The following PKN2 variants were observed in gnomAD, a reference collection of about 807,000 sequenced individuals.
The protein encoded by PKN2 is serine/threonine-protein kinase N2.
Under a neutral mutation model 119.1 loss-of-function variants are expected in PKN2, and 38 were observed. The ratio of observed to expected loss-of-function variants is 0.32; its 90% CI spans 0.25 to 0.42. PKN2 has a LOEUF of 0.42. Ranked by LOEUF, PKN2 falls within the 10% of genes least tolerant of loss-of-function variation. PKN2 has a pLI of 1.00. For synonymous variants in PKN2, 390 were observed against 384.9 expected, an observed-to-expected ratio of 1.01 and a Z score of -0.15; for missense variants, 850 against 1,165.1, an observed-to-expected ratio of 0.73 and a Z score of 3.94.
intron 20 of PKN2, 31 bp from the exon 21 acceptor site, chr1:88,833,046 A>G: frequency 6.4e-7 from 1 of 1,551,664 alleles, no homozygotes; most frequent in Non-Finnish European, 8.7e-7. Context: ...TATTGGTTTT[A>G]TTTTAACTTT....
chr1:88,694,928 G>A (rs985264937), intron 1 of PKN2, among the ~76,000 whole-genome samples: 3 of 152,080 alleles, frequency 2.0e-5, no homozygotes, highest in African/African-American at 7.2e-5. Context: ...ATGAGGTCAG[G>A]AGATCGAGAG....
At chr1:88,695,221 C>G (rs989282594) in intron 1 of PKN2, among the ~76,000 whole-genome samples, 2 of 152,092 alleles carry the variant, frequency 1.3e-5, no homozygotes, top group Admixed American at 6.5e-5. Flanking sequence ...AACATCTACA[C>G]ATAGCTTTAT....
intron 18 of PKN2, 112 bp from the exon 19 acceptor site, chr1:88,828,369 A>G (rs1672593841): frequency 9.7e-6 from 8 of 822,586 alleles, no homozygotes. Flanking sequence ...GAATTTGTTC[A>G]CCATGCACAA....
At chr1:88,795,408 T>A (rs1486113698) in intron 8 of PKN2, among the ~76,000 whole-genome samples, 1 of 152,232 alleles carries the variant, frequency 6.6e-6, no homozygotes, top group Non-Finnish European at 1.5e-5. Flanking sequence ...ATTTTTATTT[T>A]GCTTCGTCCT....
intron 16 of PKN2, among the ~76,000 whole-genome samples, chr1:88,818,534 G>A (rs1255581858): frequency 2.0e-5 from 3 of 151,808 alleles, no homozygotes; most frequent in African/African-American, 7.3e-5. Context: ...TGTAATCCCA[G>A]CTACTCGGGA....
Position 88,833,464 on chromosome 1 carries a change from G to A in PKN2, c.*16G>A, listed in dbSNP as rs762896109. On this transcript the variant is annotated 3_prime_UTR_variant, in exon 22 of 22. Transcript: ENST00000370521. Reference sequence around the variant, plus strand: ...TTGGTGTTAAGTTGCTAGACACTGCGAAACCAAGCTGACTCACAAGAAGAC... The same window carrying A: ...TTGGTGTTAAGTTGCTAGACACTGCAAAACCAAGCTGACTCACAAGAAGAC... The A allele has an allele frequency of 3.7e-6, 6 of 1,603,074 alleles. No homozygotes were observed. Among genetic ancestry groups the A allele is most frequent in the African/African-American group, 2.7e-5 (2 of 74,646 alleles).
At chr1:88,742,094 C>A (rs901745155) in intron 2 of PKN2, among the ~76,000 whole-genome samples, 3 of 151,952 alleles carry the variant, frequency 2.0e-5, no homozygotes, top group African/African-American at 7.2e-5. Context: ...CAAAAACTTA[C>A]GTTTAAGTTT....
At chr1:88,689,675 G>A (rs1419707908) in intron 1 of PKN2, among the ~76,000 whole-genome samples, 1 of 152,076 alleles carries the variant, frequency 6.6e-6, no homozygotes, top group Non-Finnish European at 1.5e-5. Context: ...GCCAGGTGTG[G>A]TGATGTGTGC....
intron 3 of PKN2, among the ~76,000 whole-genome samples, chr1:88,767,239 G>T (rs574220003): frequency 3.2e-4 from 48 of 152,184 alleles, no homozygotes; most frequent in African/African-American, 1.1e-3. Flanking sequence ...TAAGAGAATG[G>T]TATCACAATT....
intron 6 of PKN2, among the ~76,000 whole-genome samples, chr1:88,777,318 C>T (rs1670147914): frequency 6.6e-6 from 1 of 152,010 alleles, no homozygotes; most frequent in South Asian, 2.1e-4. Context: ...CTTGTTTCCC[C>T]TAGATATTTG....
Position 88,813,621 on chromosome 1 carries a change from C to G in PKN2, c.2167C>G (p.Leu723Val), listed in dbSNP as rs1557630068. ...TGTAAGGCATCCCTTTTTGGTGAACCTTTTTGCATGTTTCCAAACCAAAGA... is the reference window on the plus strand; with the variant it reads ...TGTAAGGCATCCCTTTTTGGTGAACGTTTTTGCATGTTTCCAAACCAAAGA... ...NSVRHPFLVN[L>V]FACFQTKEHV... The change falls in exon 16 of 22, where the codon CTT (leucine) becomes GTT (valine). Residue 723 changes from leucine to valine, a missense_variant. This residue lies in a region of PKN2 where 216 missense variants were observed against 252.8 expected (regional missense o/e 0.85). Coordinates refer to ENST00000370521, the MANE Select transcript of PKN2 (RefSeq NM_006256.4). 6.2e-7 allele frequency: 1 copy of G among 1,608,674 alleles called. No individual in the cohort carries two copies. The highest frequency in any genetic ancestry group is 2.2e-5 in the East Asian group (1 of 44,528).
At position 88,834,118 on chromosome 1, in the gene PKN2, A is replaced by G. The variant is rs550404877; in HGVS notation, c.*670A>G. Reference sequence around the variant, plus strand: ...TTCCAACAGAGCTGCTTGCCAAACAATTTTTTTTGTTTATTAAACAGTGCT... The same window carrying G: ...TTCCAACAGAGCTGCTTGCCAAACAGTTTTTTTTGTTTATTAAACAGTGCT... On this transcript the variant is annotated 3_prime_UTR_variant, in exon 22 of 22. Transcript: ENST00000370521. 2 of 151,910 alleles carry G rather than the reference A, an allele frequency of 1.3e-5. No individual in the cohort carries two copies. The highest frequency in any genetic ancestry group is 4.8e-5 in the African/African-American group (2 of 41,468). 9.4% of individuals were successfully genotyped at this position (151,910 alleles called of 1,614,324 possible).
At chr1:88,780,862 A>C (rs1380198051) in intron 6 of PKN2, among the ~76,000 whole-genome samples, 1 of 152,150 alleles carries the variant, frequency 6.6e-6, no homozygotes, top group Non-Finnish European at 1.5e-5. Flanking sequence ...AAAAGTAATA[A>C]AATCACATTT....
intron 15 of PKN2, among the ~76,000 whole-genome samples, chr1:88,809,253 A>G (rs1011594570): frequency 6.6e-6 from 1 of 152,148 alleles, no homozygotes; most frequent in African/African-American, 2.4e-5. Flanking sequence ...TCTGAGTACC[A>G]TATTACATGT....
intron 3 of PKN2, among the ~76,000 whole-genome samples, chr1:88,763,695 A>C (rs1262194658): frequency 6.6e-6 from 1 of 151,992 alleles, no homozygotes; most frequent in African/African-American, 2.4e-5. Flanking sequence ...CAGTAAGTTT[A>C]AGTAGTTTTT....
At chr1:88,764,415 A>C (rs1669575055) in intron 3 of PKN2, among the ~76,000 whole-genome samples, 1 of 152,186 alleles carries the variant, frequency 6.6e-6, no homozygotes, top group Admixed American at 6.6e-5. Flanking sequence ...ACCTTAAATT[A>C]CAATTTATGT....
At chr1:88,761,533 T>C (rs1462890415) in intron 3 of PKN2, among the ~76,000 whole-genome samples, 1 of 149,572 alleles carries the variant, frequency 6.7e-6, no homozygotes, top group East Asian at 2.0e-4. Flanking sequence ...CCTAGAACTC[T>C]GGGAGGCTGA....
chr1:88,804,619 T>C (rs1671459603), intron 9 of PKN2, 85 bp downstream of exon 9: 1 of 1,336,624 alleles, frequency 7.5e-7, no homozygotes, highest in African/African-American at 1.5e-5. Flanking sequence ...GAAAGAGTGT[T>C]AGGCTGAAAG....
intron 2 of PKN2, among the ~76,000 whole-genome samples, chr1:88,743,059 G>GT (rs1289035277): frequency 3.3e-5 from 5 of 152,102 alleles, no homozygotes; most frequent in Non-Finnish European, 7.4e-5. Flanking sequence ...ACGTGGTGGC[G>GT]TGTGCCTGTA....
Sources: allele counts gnomAD v4.1 joint callset (sites outside exome capture counted in the v4.1 genomes callset), GRCh38; gene constraint gnomAD v4.1.1; regional missense constraint gnomAD v4.1.1; transcripts MANE v1.5; gene names NCBI Gene and HGNC (gene_info 2026-07-23, HGNC 2026-07-21).